The following RNF121 variants were observed in gnomAD, a reference collection of about 807,000 sequenced individuals.
RNF121 encodes the protein ring finger protein 121.
A neutral mutation model predicts 46.5 loss-of-function variants in RNF121; 21 were observed. The ratio of observed to expected loss-of-function variants is 0.45; its 90% CI spans 0.32 to 0.65. RNF121 has a LOEUF of 0.65. RNF121 is among the 30% of genes least tolerant of loss of function. RNF121 has a pLI of 0.04. For missense variants in RNF121, 346 were observed against 416.0 expected (o/e 0.83, Z 1.46); for synonymous variants, 139 against 144.7 (o/e 0.96, Z 0.28).
intron 1 of RNF121, among the ~76,000 whole-genome samples, chr11:71,937,084 T>G (rs1442498337): frequency 6.6e-6 from 1 of 152,230 alleles, no homozygotes; most frequent in Non-Finnish European, 1.5e-5. Context: ...TTGGATTCAT[T>G]TAAATTAATG....
rs755063989 is a variant in RNF121 at position 71,982,940 on chromosome 11, G to T, written c.398+25G>T. The T allele has an allele frequency of 5.7e-6, 9 of 1,572,002 alleles. No homozygotes were observed. In the South Asian group the frequency reaches 1.1e-4, roughly 19 times the overall value. ...GGTGAGAGTTTAAGTAGTGGGAAGAGCCCAGGTTTTCCGAAGCTAATGGGT... is the reference window on the plus strand; with the variant it reads ...GGTGAGAGTTTAAGTAGTGGGAAGATCCCAGGTTTTCCGAAGCTAATGGGT... On this transcript the variant is annotated intron_variant, in intron 4 of 8. Transcript: ENST00000361756.
chr11:71,974,142 C>T (rs997629868), intron 3 of RNF121, among the ~76,000 whole-genome samples: 1 of 152,088 alleles, frequency 6.6e-6, no homozygotes, highest in East Asian at 1.9e-4. Context: ...GGGGTTTCAC[C>T]GTGTTAGCCA....
intron 3 of RNF121, among the ~76,000 whole-genome samples, chr11:71,978,946 T>C (rs1207540487): frequency 8.5e-5 from 13 of 152,246 alleles, no homozygotes; most frequent in Non-Finnish European, 1.8e-4. Flanking sequence ...TTTCATTTTG[T>C]TCATTCTTTA....
At chr11:71,974,624 T>C (rs1277081060) in intron 3 of RNF121, among the ~76,000 whole-genome samples, 2 of 151,472 alleles carry the variant, frequency 1.3e-5, no homozygotes, top group Admixed American at 1.3e-4. Context: ...GTTCTTTCTG[T>C]AGGTTCCTCT....
In RNF121 at chr11:71,996,453, G is replaced by C; in HGVS notation, c.*138G>C. 1 of 967,814 alleles carries C rather than the reference G, an allele frequency of 1.0e-6. No homozygotes were observed. The highest frequency in any genetic ancestry group is 2.7e-5 in the East Asian group (1 of 37,080). 60.0% of individuals were successfully genotyped at this position (967,814 alleles called of 1,614,324 possible). A position where few individuals can be genotyped will look rare whatever the true frequency, so the allele number is the denominator to read the frequency against. ...CACTCAGGACCCCTCTGGCTGTGTC[G>C]GACTGGGGAGGGATATGATGGAGAG... On this transcript the variant is annotated 3_prime_UTR_variant, in exon 9 of 9. Transcript: ENST00000361756.
At chr11:71,991,194 T>G (rs1954857347) in intron 6 of RNF121, among the ~76,000 whole-genome samples, 1 of 151,750 alleles carries the variant, frequency 6.6e-6, no homozygotes, top group East Asian at 1.9e-4. Context: ...GTAACAAACC[T>G]GCACATGTAC....
chr11:71,951,802 A>T (rs940783722), intron 1 of RNF121, among the ~76,000 whole-genome samples: 10 of 152,206 alleles, frequency 6.6e-5, no homozygotes, highest in Non-Finnish European at 2.9e-5. Context: ...TAGTCACTGG[A>T]TGCTTTAATC....
rs537719714 is a variant in RNF121, at chr11:71,994,935, C to G, written c.761+83C>G. The G allele has an allele frequency of 7.0e-6, 11 of 1,572,108 alleles. No individual in the cohort carries two copies. The East Asian group carries it at 2.5e-4, about 35-fold the overall frequency. Reference sequence around the variant, plus strand: ...GAGAGAGAAAGAGGGTGGTCATGACCCTAGGCATGCTGTCCAGACCCTTGA... The same window carrying G: ...GAGAGAGAAAGAGGGTGGTCATGACGCTAGGCATGCTGTCCAGACCCTTGA... On this transcript the variant is annotated intron_variant, in intron 7 of 8. Coordinates refer to ENST00000361756, the MANE Select transcript of RNF121 (RefSeq NM_018320.5).
chr11:71,966,108 C>T (rs1487810097), intron 3 of RNF121, among the ~76,000 whole-genome samples: 3 of 152,212 alleles, frequency 2.0e-5, no homozygotes, highest in South Asian at 2.1e-4. Flanking sequence ...CAACCTCTGC[C>T]TCCCAGGTTC....
chr11:71,981,720 A>C (rs1954663784), intron 3 of RNF121, among the ~76,000 whole-genome samples: 2 of 152,220 alleles, frequency 1.3e-5, no homozygotes, highest in African/African-American at 4.8e-5. Context: ...TTTAAAACAG[A>C]AATGTGCCTC....
At position 71,937,897 on chromosome 11, in the gene RNF121, A is replaced by G. The variant is rs1380185558; in HGVS notation, c.63+8773A>G. 2.6e-5 allele frequency among the ~76,000 whole-genome samples: 4 copies of G among 152,190 alleles called. No individual in the cohort carries two copies. The East Asian group carries it at 7.7e-4, about 29-fold the overall frequency. ...CTTCTTTATGTTTTCCCTTGAAGTC[A>G]TTTGCTACCTCTACTCCTCAGAGAA... On this transcript the variant is annotated intron_variant, in intron 1 of 8. Coordinates refer to ENST00000361756, the MANE Select transcript of RNF121 (RefSeq NM_018320.5).
chr11:71,982,985 A>C (rs116205525), intron 4 of RNF121, 70 bp downstream of exon 4: 15 of 1,473,288 alleles, frequency 1.0e-5, no homozygotes, highest in Non-Finnish European at 1.3e-5. Flanking sequence ...TGGGAGGAGC[A>C]TAGGTTTAGA....
chr11:71,947,419 G>A (rs959524039), intron 1 of RNF121, among the ~76,000 whole-genome samples: 3 of 151,468 alleles, frequency 2.0e-5, no homozygotes, highest in Non-Finnish European at 4.4e-5. Flanking sequence ...AGCCCAGAAG[G>A]TTGAGACTGC....
At chr11:71,943,476 T>C (rs1361007593) in intron 1 of RNF121, among the ~76,000 whole-genome samples, 1 of 152,230 alleles carries the variant, frequency 6.6e-6, no homozygotes, top group Non-Finnish European at 1.5e-5. Context: ...AGCTTTAAAA[T>C]AATAAAGGCA....
intron 4 of RNF121, among the ~76,000 whole-genome samples, chr11:71,984,839 G>A (rs142516903): frequency 0.025 from 3,621 of 144,584 alleles, 68 homozygotes; most frequent in Non-Finnish European, 0.037. Context: ...TGCCCGCCTC[G>A]GGCTCCCAAA....
At chr11:71,980,083 C>T (rs1337878978) in intron 3 of RNF121, among the ~76,000 whole-genome samples, 1 of 152,136 alleles carries the variant, frequency 6.6e-6, no homozygotes, top group East Asian at 1.9e-4. Flanking sequence ...ACACCTGGGG[C>T]ATTATTTGGG....
intron 1 of RNF121, among the ~76,000 whole-genome samples, chr11:71,931,264 A>G (rs577902106): frequency 5.0e-4 from 76 of 152,350 alleles, no homozygotes; most frequent in African/African-American, 1.6e-3. Context: ...AGTTAACTTT[A>G]TATGAAACCA....
At chr11:71,956,637 T>C (rs1204293114) in intron 1 of RNF121, among the ~76,000 whole-genome samples, 1 of 152,230 alleles carries the variant, frequency 6.6e-6, no homozygotes, top group Non-Finnish European at 1.5e-5. Context: ...CATAGGGCCA[T>C]TTAGAGTCAC....
chr11:71,989,124 G>A (rs560811444), intron 5 of RNF121, among the ~76,000 whole-genome samples: 6 of 151,992 alleles, frequency 3.9e-5, no homozygotes, highest in South Asian at 4.1e-4. Flanking sequence ...TTGCTTTGTC[G>A]CCTAGGCTAG....
Sources: gnomAD v4.1 joint callset for allele counts (sites outside exome capture counted in the v4.1 genomes callset) on GRCh38, gnomAD v4.1.1 for gene constraint, MANE v1.5 for transcripts, NCBI Gene and HGNC (gene_info 2026-07-23, HGNC 2026-07-21) for gene names.